TTC39C: variants seen among roughly 807,000 people sequenced by gnomAD.
TTC39C encodes the protein tetratricopeptide repeat protein 39C.
In TTC39C, 33 loss-of-function variants were observed where a neutral mutation model predicts 76.3. The ratio of observed to expected loss-of-function variants is 0.43; its 90% CI spans 0.33 to 0.58. TTC39C has a LOEUF of 0.58. Ranked by LOEUF, TTC39C falls within the 20% of genes least tolerant of loss-of-function variation. TTC39C has a pLI of 0.04. For missense variants in TTC39C, 595 were observed against 701.4 expected (o/e 0.85, Z 1.71); for synonymous variants, 254 against 260.6 (o/e 0.97, Z 0.24).
rs1182625147 is a variant in TTC39C at position 24,134,257 on chromosome 18, G to GTTTTTTTTTTTTTTTTTTTTTTTTTTTTT, written c.*1689_*1690insTTTTTTTTTTTTTTTTTTTTTTTTTTTTT. ...TGGTGCCCAAAAATATTGGACATCTGTTTTTTGTTTTTTTTTTTTTTTTTT... is the reference window on the plus strand; with the variant it reads ...TGGTGCCCAAAAATATTGGACATCTGTTTTTTTTTTTTTTTTTTTTTTTTTTTTTTTTTTTGTTTTTTTTTTTTTTTTTT... On this transcript the variant is annotated 3_prime_UTR_variant, in exon 14 of 14. Transcript: ENST00000317571. 7 of 48,688 alleles carry GTTTTTTTTTTTTTTTTTTTTTTTTTTTTT rather than the reference G, an allele frequency of 1.4e-4. 3 individuals carry two copies. Among genetic ancestry groups the GTTTTTTTTTTTTTTTTTTTTTTTTTTTTT allele is most frequent in the Non-Finnish European group, 2.3e-4 (5 of 21,830 alleles). 3.0% of individuals were successfully genotyped at this position (48,688 alleles called of 1,614,324 possible). A position where few individuals can be genotyped will look rare whatever the true frequency, so the allele number is the denominator to read the frequency against.
At chr18:24,126,179 T>G (rs1198405819) in intron 10 of TTC39C, among the ~76,000 whole-genome samples, 3 of 151,972 alleles carry the variant, frequency 2.0e-5, no homozygotes, top group African/African-American at 7.3e-5. Context: ...AAGAGGGAGA[T>G]CCTGCCTACA....
intron 6 of TTC39C, among the ~76,000 whole-genome samples, chr18:24,092,054 C>G (rs1343218062): frequency 8.1e-6 from 1 of 124,082 alleles, no homozygotes; most frequent in Non-Finnish European, 1.6e-5. Context: ...GATCGCATCA[C>G]TGCACTCCAG....
In TTC39C at chr18:23,997,680, A is replaced by AAG. The variant is rs1359403029; in HGVS notation, c.-17+4644_-17+4645dup. 2.9e-4 allele frequency among the ~76,000 whole-genome samples: 42 copies of AAG among 146,502 alleles called. 2 individuals are homozygous for AAG. Among genetic ancestry groups the AAG allele is most frequent in the African/African-American group, 9.8e-4 (39 of 39,628 alleles). On this transcript the variant is annotated intron_variant, in intron 1 of 13. Transcript: ENST00000304621. ...AAAGAAAGAAAGAAAGAAAGAAAGAAAGAAAGAAAGAAAGAAAGAAAGAAA... is the reference window on the plus strand; with the variant it reads ...AAAGAAAGAAAGAAAGAAAGAAAGAAAGAGAAAGAAAGAAAGAAAGAAAGAAA...
Position 24,071,139 on chromosome 18 carries a change from G to A in TTC39C, c.460+1868G>A, listed in dbSNP as rs753134599. The stretch of plus-strand genomic sequence containing the variant: ...GAGGCGGGGTTTCACTATGTTGGTC[G>A]GCCTGGTTTTGAACTCTGACCTTGT... On this transcript the variant is annotated intron_variant, in intron 4 of 13. Coordinates refer to ENST00000317571, the MANE Select transcript of TTC39C (RefSeq NM_001135993.2). Among the ~76,000 whole-genome samples the A allele has an allele frequency of 7.2e-5, 11 of 151,898 alleles. 1 individual carries two copies. Among genetic ancestry groups the A allele is most frequent in the Non-Finnish European group, 1.6e-4 (11 of 67,976 alleles).
intron 1 of TTC39C, among the ~76,000 whole-genome samples, chr18:24,042,974 C>T (rs2145693803): frequency 6.6e-6 from 1 of 152,190 alleles, no homozygotes. Flanking sequence ...TGTTCAGTGC[C>T]TGCAGAGCAG....
intron 6 of TTC39C, among the ~76,000 whole-genome samples, chr18:24,108,226 G>A (rs1023818166): frequency 1.4e-4 from 22 of 152,184 alleles, no homozygotes; most frequent in South Asian, 6.2e-4. Flanking sequence ...AGCAGACAGG[G>A]CTCTGAACTG....
rs1161977913 is a variant in TTC39C at position 24,119,970 on chromosome 18, C to CG, written c.1186+1738_1186+1739insG. Among the ~76,000 whole-genome samples, 13 of 151,262 alleles carry CG rather than the reference C, an allele frequency of 8.6e-5. No individual in the cohort carries two copies. The South Asian group carries it at 2.7e-3, about 32-fold the overall frequency. ...GTATAGAGGAACATTAATTCCCCCCCCCCAATATTTGGCAATCCCAGAACC... is the reference window on the plus strand; with the variant it reads ...GTATAGAGGAACATTAATTCCCCCCCGCCCAATATTTGGCAATCCCAGAACC... On this transcript the variant is annotated intron_variant, in intron 8 of 13. Transcript: ENST00000317571.
chr18:24,078,729 G>A (rs531667032), intron 4 of TTC39C, among the ~76,000 whole-genome samples: 2 of 44,180 alleles, frequency 4.5e-5, no homozygotes, highest in Admixed American at 2.4e-4. Flanking sequence ...ATTGGGGGCC[G>A]ATCATGTAGG....
At chr18:24,003,616 G>A (rs765412570) in intron 1 of TTC39C, among the ~76,000 whole-genome samples, 5 of 151,972 alleles carry the variant, frequency 3.3e-5, no homozygotes, top group Admixed American at 1.3e-4. Flanking sequence ...ATCATTCTTT[G>A]AGTGAACCAC....
In TTC39C at chr18:24,092,112, A is replaced by AT. The variant is rs1568434533; in HGVS notation, c.984+9031_984+9032insT. On this transcript the variant is annotated intron_variant, in intron 6 of 13. Coordinates refer to ENST00000317571, the MANE Select transcript of TTC39C (RefSeq NM_001135993.2). Reference sequence around the variant, plus strand: ...AGTCTCAAAAAAAAAAAAAAAAAAAAAAAAAAAAAAAAATAATAATAATAG... The same window carrying AT: ...AGTCTCAAAAAAAAAAAAAAAAAAAATAAAAAAAAAAAAATAATAATAATAG... Among the ~76,000 whole-genome samples, 22 of 132,486 alleles carry AT rather than the reference A, an allele frequency of 1.7e-4. 1 individual carries two copies. Among genetic ancestry groups the AT allele is most frequent in the South Asian group, 4.7e-4 (2 of 4,218 alleles). 86.9% of individuals were successfully genotyped at this position (132,486 alleles called of 152,430 possible).
chr18:24,097,021 T>G (rs1270352528), intron 6 of TTC39C, among the ~76,000 whole-genome samples: 2 of 152,198 alleles, frequency 1.3e-5, no homozygotes, highest in Non-Finnish European at 2.9e-5. Flanking sequence ...AAATCAGGAC[T>G]GTAAGGTGAA....
intron 6 of TTC39C, among the ~76,000 whole-genome samples, chr18:24,103,175 C>T (rs895865380): frequency 6.6e-6 from 1 of 152,214 alleles, no homozygotes; most frequent in African/African-American, 2.4e-5. Context: ...CCAACTGCCT[C>T]ATTCTGTCTA....
chr18:24,000,399 G>C (rs905859486), intron 1 of TTC39C: 1 of 152,308 alleles, frequency 6.6e-6, no homozygotes, highest in Non-Finnish European at 1.5e-5. Context: ...CAGCCAAGGA[G>C]AGAGGCCTGG....
upstream of TTC39C, among the ~76,000 whole-genome samples, chr18:24,009,858 A>C (rs190734183): frequency 1.6e-4 from 25 of 152,348 alleles, no homozygotes; most frequent in East Asian, 4.2e-3. Flanking sequence ...GAGGCGTCCA[A>C]CCCAAAGGGG....
At position 24,080,901 on chromosome 18, in the gene TTC39C, T is replaced by C; in HGVS notation, c.777T>C (p.Tyr259=). ...TACAGGGGCTTTCTTCACTGATGTA[T>C]GCAAGCGAAAGTAAGGACATGAAGG... is the stretch of plus-strand genomic sequence containing the variant. ...DRLQGLSSLM[Y]ASESKDMKAP... Residue 259 remains tyrosine, a synonymous_variant, in exon 5 of 14, where the codon TAT becomes TAC. Coordinates refer to ENST00000317571, the MANE Select transcript of TTC39C (RefSeq NM_001135993.2). 1.2e-6 allele frequency: 2 copies of C among 1,613,996 alleles called. No individual in the cohort carries two copies. Among genetic ancestry groups the C allele is most frequent in the Non-Finnish European group, 8.5e-7 (1 of 1,179,962 alleles).
rs2083430185 is a variant in TTC39C at position 24,014,835 on chromosome 18, G to A, written c.-37G>A. ...GCGCGGGGCCGCAGCAGCTGCTCCC[G>A]ATCTCGCCTCGGCCCAGCGCAGGGC... On this transcript the variant is annotated 5_prime_UTR_variant, in exon 1 of 14. Coordinates refer to ENST00000317571, the MANE Select transcript of TTC39C (RefSeq NM_001135993.2). 8.2e-7 allele frequency: 1 copy of A among 1,216,570 alleles called. No homozygotes were observed. The highest frequency in any genetic ancestry group is 1.0e-6 in the Non-Finnish European group (1 of 971,988). The allele number at this position is 1,216,570 out of a possible 1,614,324, so 75.4% of individuals were successfully genotyped here. A position where few individuals can be genotyped will look rare whatever the true frequency, so the allele number is the denominator to read the frequency against.
chr18:24,089,748 A>G (rs1023396754), intron 6 of TTC39C, among the ~76,000 whole-genome samples: 9 of 152,150 alleles, frequency 5.9e-5, no homozygotes, highest in African/African-American at 2.2e-4. Context: ...TAGGGGGCAA[A>G]AGCATAATCT....
rs79377229 is a variant in TTC39C at position 24,087,152 on chromosome 18, T to A, written c.984+4071T>A. 1.6e-3 allele frequency among the ~76,000 whole-genome samples: 250 copies of A among 152,340 alleles called. 3 individuals are homozygous for A. The East Asian group carries it at 0.032, about 20-fold the overall frequency. On this transcript the variant is annotated intron_variant, in intron 6 of 13. Coordinates refer to ENST00000317571, the MANE Select transcript of TTC39C (RefSeq NM_001135993.2). The stretch of plus-strand genomic sequence containing the variant: ...TGAATTGGTAGTTATAATTTTGAAT[T>A]TCTGTATTTTCCATTAATGTTCACT...
intron 1 of TTC39C, among the ~76,000 whole-genome samples, chr18:24,056,831 A>C (rs960216268): frequency 6.6e-6 from 1 of 152,052 alleles, no homozygotes; most frequent in Admixed American, 6.6e-5. Context: ...TCTTTTGTAG[A>C]ACATATGTAT....
Sources: allele counts gnomAD v4.1 joint callset (sites outside exome capture counted in the v4.1 genomes callset), GRCh38; gene constraint gnomAD v4.1.1; transcripts MANE v1.5; gene names NCBI Gene and HGNC (gene_info 2026-07-23, HGNC 2026-07-21).